DNASE1: variants seen among roughly 807,000 people sequenced by gnomAD.
DNASE1 encodes deoxyribonuclease-1.
A neutral mutation model predicts 33.9 loss-of-function variants in DNASE1; 40 were observed. The ratio of observed to expected loss-of-function variants is 1.18; its 90% CI spans 0.92 to 1.54. DNASE1 has a LOEUF of 1.54. DNASE1 is among the 40% of genes most tolerant of loss of function. The pLI, the probability that DNASE1 is intolerant of heterozygous loss-of-function variation, is 0.00. For missense variants in DNASE1, 518 were observed against 372.6 expected, an observed-to-expected ratio of 1.39 and a Z score of -3.21; for synonymous variants, 216 against 160.0, an observed-to-expected ratio of 1.35 and a Z score of -2.64.
Position 3,657,765 on chromosome 16 carries a change from C to G in DNASE1, c.750C>G (p.Asp250Glu). The G allele has an allele frequency of 6.2e-7, 1 of 1,613,968 alleles. No individual in the cohort carries two copies. The highest frequency in any genetic ancestry group is 8.5e-7 in the Non-Finnish European group (1 of 1,179,930). The change falls in exon 8 of 9, where the codon GAC (aspartate) becomes GAG (glutamate). Residue 250 changes from aspartate to glutamate, a missense_variant. Transcript: ENST00000246949. ...TGCTCCGAGGCGCCGTTGTTCCCGACTCGGCTCTTCCCTTTAACTTCCAGG... is the reference window on the plus strand; with the variant it reads ...TGCTCCGAGGCGCCGTTGTTCCCGAGTCGGCTCTTCCCTTTAACTTCCAGG... ...GMLLRGAVVP[D>E]SALPFNFQAA...
chr16:3,618,166 T>C lies in DNASE1; in HGVS notation c.-1359+6160T>C, dbSNP rs531297215. 1.2e-3 allele frequency among the ~76,000 whole-genome samples: 183 copies of C among 147,424 alleles called. 2 individuals carry two copies. Among genetic ancestry groups the C allele is most frequent in the African/African-American group, 4.5e-3 (178 of 39,430 alleles). ...AGGTGCCAACAAGCACATGAAAAGATGATCAGCATCATGAATCGTTAGAGA... is the reference window on the plus strand; with the variant it reads ...AGGTGCCAACAAGCACATGAAAAGACGATCAGCATCATGAATCGTTAGAGA... On this transcript the variant is annotated intron_variant and NMD_transcript_variant, in intron 1 of 11. Transcript: ENST00000570769.
At chr16:3,619,510 C>A (rs540645462) in intron 1 of DNASE1, among the ~76,000 whole-genome samples, 9 of 151,746 alleles carry the variant, frequency 5.9e-5, no homozygotes, top group Admixed American at 5.9e-4. Context: ...TACAGGCTCC[C>A]GCCACCACGC....
intron 1 of DNASE1, among the ~76,000 whole-genome samples, chr16:3,625,082 G>A (rs1405827670): frequency 6.6e-6 from 1 of 152,102 alleles, no homozygotes; most frequent in South Asian, 2.1e-4. Context: ...CTAGGCGGGC[G>A]GATCACCTGA....
At chr16:3,655,224 T>A in intron 1 of DNASE1, 149 bp from the exon 2 acceptor site, 1 of 1,150,012 alleles carries the variant, frequency 8.7e-7, no homozygotes, top group Non-Finnish European at 1.2e-6. Flanking sequence ...TTTGGCTTTC[T>A]GGACGTTGTA....
At chr16:3,643,827 TCTCGG>T (rs1371955695) in intron 1 of DNASE1, among the ~76,000 whole-genome samples, 3 of 152,172 alleles carry the variant, frequency 2.0e-5, no homozygotes, top group Non-Finnish European at 4.4e-5. Context: ...AGTGGCGCGA[TCTCGG>T]CTCACTGCAA....
intron 1 of DNASE1, among the ~76,000 whole-genome samples, chr16:3,622,226 A>C (rs964507753): frequency 2.6e-5 from 4 of 151,976 alleles, no homozygotes; most frequent in South Asian, 4.2e-4. Context: ...AAAAAAAAAA[A>C]AAAAAACGGA....
At chr16:3,654,310 C>G (rs2042457464), upstream of DNASE1, 2 of 398,424 alleles carry the variant, frequency 5.0e-6, no homozygotes, top group Admixed American at 4.4e-5. Flanking sequence ...CCTGTCCTGG[C>G]CCCACGGCGC....
upstream of DNASE1, among the ~76,000 whole-genome samples, chr16:3,639,573 G>A (rs2041972076): frequency 6.6e-6 from 1 of 152,126 alleles, no homozygotes. Flanking sequence ...CCTTCCCTTA[G>A]TTACCTCCCT....
At chr16:3,656,283 A>G in intron 4 of DNASE1, 98 bp downstream of exon 4, 1 of 1,310,022 alleles carries the variant, frequency 7.6e-7, no homozygotes. Context: ...CTATGGCAAG[A>G]ACCTGAGGCT....
intron 1 of DNASE1, among the ~76,000 whole-genome samples, chr16:3,623,466 G>A (rs1223040678): frequency 6.6e-6 from 1 of 152,050 alleles, no homozygotes; most frequent in Non-Finnish European, 1.5e-5. Context: ...GCAACAAGAA[G>A]AAAAATAGGC....
chr16:3,623,103 T>C (rs1005505161), intron 1 of DNASE1, among the ~76,000 whole-genome samples: 1 of 152,184 alleles, frequency 6.6e-6, no homozygotes, highest in South Asian at 2.1e-4. Context: ...TAGCTACTCA[T>C]GCAGTAACTA....
At chr16:3,620,928 G>A (rs2041288460) in intron 1 of DNASE1, among the ~76,000 whole-genome samples, 1 of 152,044 alleles carries the variant, frequency 6.6e-6, no homozygotes, top group African/African-American at 2.4e-5. Context: ...AGCCTCCGGA[G>A]TAGCTGGGAT....
At chr16:3,620,360 A>G (rs995676895) in intron 1 of DNASE1, among the ~76,000 whole-genome samples, 1 of 151,852 alleles carries the variant, frequency 6.6e-6, no homozygotes, top group Non-Finnish European at 1.5e-5. Flanking sequence ...ATTAGTAAAG[A>G]AACCTTTTAT....
downstream of DNASE1, chr16:3,662,217 C>T (rs2151239043): frequency 3.3e-6 from 5 of 1,517,372 alleles, no homozygotes; most frequent in South Asian, 2.5e-5. Flanking sequence ...GAAGGTCACC[C>T]AGACCACGAG....
chr16:3,662,549 G>A (rs933614165), downstream of DNASE1: 2 of 559,012 alleles, frequency 3.6e-6, no homozygotes, highest in Admixed American at 2.4e-5. Context: ...ACCCAAGTGA[G>A]CATGTGAGCT....
Position 3,656,148 on chromosome 16 carries a change from C to G in DNASE1, c.283C>G (p.Arg95Gly), listed in dbSNP as rs531591895. The G allele has an allele frequency of 6.2e-7, 1 of 1,613,950 alleles. No individual in the cohort carries two copies. Among genetic ancestry groups the G allele is most frequent in the African/African-American group, 1.3e-5 (1 of 74,908 alleles). ...CTACGTGGTCAGTGAGCCACTGGGACGGAACAGCTATAAGGAGCGCTACCT... is the reference window on the plus strand; with the variant it reads ...CTACGTGGTCAGTGAGCCACTGGGAGGGAACAGCTATAAGGAGCGCTACCT... ...YHYVVSEPLG[R>G]NSYKERYLFV... is the part of the protein sequence containing the mutation. The change falls in exon 4 of 9, where the codon CGG (arginine) becomes GGG (glycine). Residue 95 changes from arginine to glycine, a missense_variant. Transcript: ENST00000246949.
downstream of DNASE1, chr16:3,662,589 T>C (rs143438388): frequency 9.6e-3 from 5,958 of 618,900 alleles, 67 homozygotes; most frequent in Non-Finnish European, 0.013. Flanking sequence ...TGTCCCTTGT[T>C]TGGAACCCCC....
At chr16:3,625,812 G>A (rs1481711684) in intron 1 of DNASE1, among the ~76,000 whole-genome samples, 1 of 152,104 alleles carries the variant, frequency 6.6e-6, no homozygotes, top group Non-Finnish European at 1.5e-5. Context: ...TTAAGAGGGT[G>A]TAAAGGGCTG....
intron 1 of DNASE1, among the ~76,000 whole-genome samples, chr16:3,637,007 C>G (rs1444282593): frequency 6.6e-6 from 1 of 152,082 alleles, no homozygotes; most frequent in East Asian, 1.9e-4. Flanking sequence ...GCCTGTAATC[C>G]CAGCTACTTG....
Sources: allele counts gnomAD v4.1 joint callset (sites outside exome capture counted in the v4.1 genomes callset), GRCh38; gene constraint gnomAD v4.1.1; transcripts MANE v1.5; gene names NCBI Gene and HGNC (gene_info 2026-07-23, HGNC 2026-07-21).